SYNRG: variants seen among roughly 807,000 people sequenced by gnomAD.
The protein encoded by SYNRG is synergin gamma.
In SYNRG, 37 loss-of-function variants were observed where a neutral mutation model predicts 130.9. That is an observed-to-expected ratio of 0.28 (90% CI 0.22 to 0.37). The LOEUF (loss-of-function observed/expected upper bound fraction) is 0.37, where lower values mean the gene tolerates loss of function less well. Ranked by LOEUF, SYNRG falls within the 10% of genes least tolerant of loss-of-function variation. The probability of loss-of-function intolerance (pLI) is 1.00; values close to 1 mark genes in which losing one functional copy is unlikely to be tolerated. For synonymous variants in SYNRG, 539 were observed against 568.1 expected, an observed-to-expected ratio of 0.95 and a Z score of 0.73; for missense variants, 1,338 against 1,588.9, an observed-to-expected ratio of 0.84 and a Z score of 2.68.
At chr17:37,587,977 C>T (rs981676943) in intron 3 of SYNRG, among the ~76,000 whole-genome samples, 1 of 152,016 alleles carries the variant, frequency 6.6e-6, no homozygotes, top group Non-Finnish European at 1.5e-5. Flanking sequence ...ATTTTTTTTC[C>T]GTGAGCTTAT....
chr17:37,605,400 G>A (rs2063662412), intron 1 of SYNRG, among the ~76,000 whole-genome samples: 1 of 152,168 alleles, frequency 6.6e-6, no homozygotes, highest in Admixed American at 6.5e-5. Context: ...GTGAAGCTCT[G>A]TGCAATCTCC....
intron 3 of SYNRG, among the ~76,000 whole-genome samples, chr17:37,589,854 T>C (rs1301381326): frequency 1.3e-5 from 2 of 150,840 alleles, no homozygotes; most frequent in Non-Finnish European, 3.0e-5. Context: ...TAAAGAACAA[T>C]TCTAGGTAGG....
At chr17:37,540,908 AC>A in intron 15 of SYNRG, 1 of 1,009,136 alleles carries the variant, frequency 9.9e-7, no homozygotes, top group Non-Finnish European at 1.2e-6. Context: ...CGTTGAGATT[AC>A]AGGTGTGAGC....
intron 1 of SYNRG, among the ~76,000 whole-genome samples, chr17:37,608,453 T>G (rs1418069307): frequency 6.6e-6 from 1 of 152,170 alleles, no homozygotes; most frequent in African/African-American, 2.4e-5. Context: ...CTTCCTAGAA[T>G]AAAATATTTC....
chr17:37,605,942 G>T (rs142059614), intron 1 of SYNRG: 20 of 985,348 alleles, frequency 2.0e-5, no homozygotes, highest in Non-Finnish European at 2.4e-5. Context: ...CCCACCTCCA[G>T]ACTCTGGTTT....
rs115634315 is a variant in SYNRG, at chr17:37,574,895, C to T, written c.901+1446G>A. On this transcript the variant is annotated intron_variant, in intron 8 of 21. Transcript: ENST00000612223. ...TTTATAAGCCAAGATTCAAAAGCAA[C>T]CTAAGTGTCCATTGACAGACGAATG... Among the ~76,000 whole-genome samples, 1,363 of 152,052 alleles carry T rather than the reference C, an allele frequency of 9.0e-3. 22 individuals carry two copies. Among genetic ancestry groups the T allele is most frequent in the African/African-American group, 0.031 (1,292 of 41,468 alleles).
Position 37,518,834 on chromosome 17 carries a change from G to A in SYNRG, c.*106C>T, listed in dbSNP as rs975369470. 4.8e-6 allele frequency: 7 copies of A among 1,473,070 alleles called. 1 individual carries two copies. Among genetic ancestry groups the A allele is most frequent in the African/African-American group, 4.2e-5 (3 of 71,010 alleles). 91.2% of individuals were successfully genotyped at this position (1,473,070 alleles called of 1,614,324 possible). Reference sequence around the variant, plus strand: ...CGTCCCTTGCGGTGTTCTTCATATCGATTCAGGGAAGCGAACTGTGCAGTG... The same window carrying A: ...CGTCCCTTGCGGTGTTCTTCATATCAATTCAGGGAAGCGAACTGTGCAGTG... On this transcript the variant is annotated 3_prime_UTR_variant, in exon 22 of 22. Transcript: ENST00000612223.
At chr17:37,605,725 T>A in intron 1 of SYNRG, 1 of 805,122 alleles carries the variant, frequency 1.2e-6, no homozygotes, top group South Asian at 5.7e-5. Context: ...GGCAAAAAAC[T>A]GGGCAGGAAG....
intron 19 of SYNRG, among the ~76,000 whole-genome samples, chr17:37,535,278 TA>T (rs2057081453): frequency 6.6e-6 from 1 of 152,028 alleles, no homozygotes; most frequent in African/African-American, 2.4e-5. Flanking sequence ...AAAAAAAATG[TA>T]AAAAATACCT....
At chr17:37,565,641 G>T (rs573315038) in intron 11 of SYNRG, among the ~76,000 whole-genome samples, 101 of 151,744 alleles carry the variant, frequency 6.7e-4, no homozygotes, top group Admixed American at 4.3e-3. Flanking sequence ...GAAGTGAGGA[G>T]CGTCTCTGCC....
chr17:37,574,072 C>T (rs1444897267), intron 8 of SYNRG, among the ~76,000 whole-genome samples: 1 of 151,986 alleles, frequency 6.6e-6, no homozygotes, highest in Non-Finnish European at 1.5e-5. Context: ...ACACAGAGAC[C>T]AATGGAACAG....
In SYNRG at chr17:37,532,843, C is replaced by T. The variant is rs571793105; in HGVS notation, c.3666+3136G>A. On this transcript the variant is annotated intron_variant, in intron 19 of 21. Coordinates refer to ENST00000612223, the MANE Select transcript of SYNRG (RefSeq NM_007247.6). ...CTCATTGATTTGTATGCTTCCTTTA[C>T]AGAGCAAAGACATGAGCCTGCCATC... Among the ~76,000 whole-genome samples, 5 of 152,272 alleles carry T rather than the reference C, an allele frequency of 3.3e-5. No individual in the cohort carries two copies. The South Asian group carries it at 8.3e-4, about 25-fold the overall frequency.
chr17:37,607,975 A>AC (rs2063943876), intron 1 of SYNRG, among the ~76,000 whole-genome samples: 9 of 148,654 alleles, frequency 6.1e-5, no homozygotes, highest in Admixed American at 2.0e-4. Context: ...AAAAAAAAAA[A>AC]AAAAACAAGA....
Position 37,541,952 on chromosome 17 carries a change from C to G in SYNRG, c.3202+20G>C. 6.3e-7 allele frequency: 1 copy of G among 1,593,496 alleles called. No individual in the cohort carries two copies. ...TGGAAAAAAACCACAATAGTAAAAT[C>G]TACCTTGGAAGCTACTCACCTTGAA... is the stretch of plus-strand genomic sequence containing the variant. On this transcript the variant is annotated intron_variant, in intron 15 of 21. Coordinates refer to ENST00000612223, the MANE Select transcript of SYNRG (RefSeq NM_007247.6).
chr17:37,526,350 T>C (rs924293582), intron 19 of SYNRG, among the ~76,000 whole-genome samples: 4 of 152,210 alleles, frequency 2.6e-5, no homozygotes, highest in Non-Finnish European at 5.9e-5. Flanking sequence ...TTTGCTAAGA[T>C]AGAAGAAACT....
chr17:37,566,010 TG>T (rs869311768), intron 11 of SYNRG, among the ~76,000 whole-genome samples: 1 of 125,224 alleles, frequency 8.0e-6, no homozygotes, highest in Non-Finnish European at 1.6e-5. Context: ...GGGAGGGAGG[TG>T]GGGGGGTCAG....
rs758139761 is a variant in SYNRG at position 37,554,010 on chromosome 17, G to A, written c.1713C>T (p.Thr571=). 6 of 1,606,716 alleles carry A rather than the reference G, an allele frequency of 3.7e-6. No homozygotes were observed. In the African/African-American group the frequency reaches 4.0e-5, roughly 11 times the overall value. The change falls in exon 14 of 22, where the codon ACC becomes ACT. Residue 571 remains threonine, a synonymous_variant. Transcript: ENST00000612223. ...FRSAGTDDGF[T]DFKTADSVSP... is the part of the protein sequence containing the mutation. ...ATACACTATCGGCTGTTTTAAAATC[G>A]GTGAAACCATCATCAGTTCCTGCAG... is the stretch of plus-strand genomic sequence containing the variant.
Position 37,586,477 on chromosome 17 carries a change from G to T in SYNRG, c.313C>A (p.Arg105Ser), listed in dbSNP as rs143289977. 3 of 1,614,126 alleles carry T rather than the reference G, an allele frequency of 1.9e-6. No individual in the cohort carries two copies. Among genetic ancestry groups the T allele is most frequent in the Admixed American group, 1.7e-5 (1 of 59,998 alleles). ...GGAGTGTACTGTGGGCCTGGAGGAC[G>T]CATGCCCAGGAAGGGTGCTTGTCCT... ...YLGQAPFLGM[R>S]PPGPQYTPDM... is the part of the protein sequence containing the mutation. Residue 105 changes from arginine to serine, a missense_variant, in exon 4 of 22, where the codon CGT becomes AGT. Around this residue, in one of 3 missense-constraint regions of SYNRG, gnomAD observed 184 missense variants for 217.2 expected, o/e 0.85. Coordinates refer to ENST00000612223, the MANE Select transcript of SYNRG (RefSeq NM_007247.6).
chr17:37,556,491 T>A (rs2059130758), intron 13 of SYNRG, among the ~76,000 whole-genome samples: 1 of 149,434 alleles, frequency 6.7e-6, no homozygotes, highest in South Asian at 2.1e-4. Flanking sequence ...AAAATAAATT[T>A]AAAAAATAAA....
Sources: allele counts gnomAD v4.1 joint callset (sites outside exome capture counted in the v4.1 genomes callset), GRCh38; gene constraint gnomAD v4.1.1; regional missense constraint gnomAD v4.1.1; transcripts MANE v1.5; gene names NCBI Gene and HGNC (gene_info 2026-07-23, HGNC 2026-07-21).